Variants in ALDH8A1 observed in about 807,000 individuals in gnomAD.
ALDH8A1 encodes 2-aminomuconic semialdehyde dehydrogenase.
In ALDH8A1, 39 loss-of-function variants were observed where a neutral mutation model predicts 43.3. That is an observed-to-expected ratio of 0.90 (90% CI 0.70 to 1.18). ALDH8A1 has a LOEUF of 1.18. Ranked by LOEUF, ALDH8A1 falls within the 50% of genes most tolerant of loss-of-function variation. The pLI is 0.00. For synonymous variants in ALDH8A1, 233 were observed against 243.5 expected (o/e 0.96, Z 0.40); for missense variants, 605 against 622.6 (o/e 0.97, Z 0.30).
At chr6:134,932,007 T>G (rs2114691108) in intron 5 of ALDH8A1, among the ~76,000 whole-genome samples, 1 of 152,364 alleles carries the variant, frequency 6.6e-6, no homozygotes, top group Middle Eastern at 3.4e-3. Context: ...TCTAAGTCTT[T>G]GGCCTATGTT....
chr6:134,942,367 C>CA (rs774091249), intron 3 of ALDH8A1, 42 bp downstream of exon 3: 3 of 1,511,264 alleles, frequency 2.0e-6, no homozygotes, highest in Non-Finnish European at 2.7e-6. Context: ...TGAGCATCTG[C>CA]AAGCATAACC....
At chr6:134,934,610 C>T (rs1258829147) in intron 4 of ALDH8A1, among the ~76,000 whole-genome samples, 1 of 152,042 alleles carries the variant, frequency 6.6e-6, no homozygotes, top group Non-Finnish European at 1.5e-5. Flanking sequence ...TTTTTGAGCA[C>T]GTGATCCAGA....
At chr6:134,941,140 T>G (rs1421648656) in intron 3 of ALDH8A1, among the ~76,000 whole-genome samples, 2 of 152,182 alleles carry the variant, frequency 1.3e-5, no homozygotes, top group Non-Finnish European at 2.9e-5. Flanking sequence ...GGCTTATTTA[T>G]CACACACCTG....
chr6:134,942,327 G>T, intron 3 of ALDH8A1, 82 bp downstream of exon 3: 1 of 1,414,284 alleles, frequency 7.1e-7, no homozygotes, highest in Non-Finnish European at 9.4e-7. Flanking sequence ...TCTTTAACCT[G>T]TTCCTTGAGG....
In ALDH8A1 at chr6:134,939,249, C is replaced by T; in HGVS notation, c.592+17G>A. 8.7e-6 allele frequency: 14 copies of T among 1,613,064 alleles called. No individual in the cohort carries two copies. The highest frequency in any genetic ancestry group is 1.2e-5 in the Non-Finnish European group (14 of 1,179,090). On this transcript the variant is annotated intron_variant, in intron 4 of 6. Transcript: ENST00000265605. ...CTCCAACTCTGTGCCTGCCCCCCAA[C>T]CCCAACACCTAATTACCTGCTTTAT...
At chr6:134,927,770 C>T (rs922000459) in intron 6 of ALDH8A1, among the ~76,000 whole-genome samples, 2 of 152,080 alleles carry the variant, frequency 1.3e-5, no homozygotes, top group Non-Finnish European at 2.9e-5. Context: ...AGGAGGTTAA[C>T]TTTTGTTCCA....
intron 6 of ALDH8A1, among the ~76,000 whole-genome samples, chr6:134,925,238 C>G (rs1418072288): frequency 6.6e-6 from 1 of 152,122 alleles, no homozygotes; most frequent in Admixed American, 6.6e-5. Flanking sequence ...AATACTTGTA[C>G]CAATGATGAA....
chr6:134,936,724 C>T (rs1773749439), intron 4 of ALDH8A1, among the ~76,000 whole-genome samples: 1 of 152,210 alleles, frequency 6.6e-6, no homozygotes, highest in South Asian at 2.1e-4. Context: ...ATTTTGACTA[C>T]ATTCCCTTGG....
At chr6:134,926,202 CTTT>C (rs749949919) in intron 6 of ALDH8A1, among the ~76,000 whole-genome samples, 9 of 93,734 alleles carry the variant, frequency 9.6e-5, no homozygotes, top group African/African-American at 1.7e-4. Flanking sequence ...CAGGACCCTT[CTTT>C]TTTTTTTTTT....
chr6:134,920,547 G>A (rs1030439315), intron 6 of ALDH8A1, among the ~76,000 whole-genome samples: 1 of 152,134 alleles, frequency 6.6e-6, no homozygotes, highest in African/African-American at 2.4e-5. Flanking sequence ...TATGTCGAAT[G>A]TGATCACATG....
intron 4 of ALDH8A1, among the ~76,000 whole-genome samples, chr6:134,938,001 T>A (rs1227975377): frequency 6.6e-6 from 1 of 152,188 alleles, no homozygotes; most frequent in African/African-American, 2.4e-5. Flanking sequence ...GCCTTCATCT[T>A]CCTCGTGGAG....
At chr6:134,939,458 C>G (rs758889098) in intron 3 of ALDH8A1, 43 bp from the exon 4 acceptor site, 2 of 1,596,892 alleles carry the variant, frequency 1.3e-6, no homozygotes, top group Admixed American at 3.4e-5. Context: ...CGGCATACCC[C>G]TCTGAGGTGG....
chr6:134,920,333 A>C (rs1157325334), intron 6 of ALDH8A1, among the ~76,000 whole-genome samples: 1 of 152,222 alleles, frequency 6.6e-6, no homozygotes, highest in African/African-American at 2.4e-5. Context: ...GTAGAAACTA[A>C]AATAAGTTTG....
At chr6:134,919,034 C>A (rs553239580) in intron 6 of ALDH8A1, among the ~76,000 whole-genome samples, 167 bp from the exon 7 acceptor site, 2 of 152,276 alleles carry the variant, frequency 1.3e-5, no homozygotes, top group South Asian at 4.1e-4. Flanking sequence ...AGGGCAGAGG[C>A]GCTCCAAGCA....
intron 6 of ALDH8A1, among the ~76,000 whole-genome samples, chr6:134,926,581 G>T (rs993053452): frequency 3.9e-5 from 6 of 152,054 alleles, no homozygotes; most frequent in Admixed American, 1.3e-4. Context: ...GGCCAAGGTG[G>T]GTGGATCACC....
chr6:134,918,998 A>G, intron 6 of ALDH8A1, 131 bp from the exon 7 acceptor site: 1 of 1,057,262 alleles, frequency 9.5e-7, no homozygotes, highest in Non-Finnish European at 1.4e-6. Flanking sequence ...ATGGTCGATT[A>G]TCTTATCACT....
At chr6:134,920,345 A>G (rs941669746) in intron 6 of ALDH8A1, among the ~76,000 whole-genome samples, 6 of 152,202 alleles carry the variant, frequency 3.9e-5, no homozygotes, top group African/African-American at 1.4e-4. Flanking sequence ...ATAAGTTTGT[A>G]CCTCTCTTGA....
At chr6:134,944,522 C>T (rs1002425003) in intron 1 of ALDH8A1, among the ~76,000 whole-genome samples, 1 of 152,150 alleles carries the variant, frequency 6.6e-6, no homozygotes, top group African/African-American at 2.4e-5. Flanking sequence ...GTAATCAGAT[C>T]ATTAGAAAGA....
At chr6:134,921,803 G>A (rs760053868) in intron 6 of ALDH8A1, among the ~76,000 whole-genome samples, 4 of 152,162 alleles carry the variant, frequency 2.6e-5, no homozygotes, top group South Asian at 2.1e-4. Context: ...AGCTTTCTGG[G>A]GTAACATTAG....
Sources: allele counts gnomAD v4.1 joint callset (sites outside exome capture counted in the v4.1 genomes callset), GRCh38; gene constraint gnomAD v4.1.1; transcripts MANE v1.5; gene names NCBI Gene and HGNC (gene_info 2026-07-23, HGNC 2026-07-21).